Variants in MYOM3 observed in about 807,000 individuals in gnomAD.
MYOM3 encodes the protein myomesin-3.
MYOM3 carries 155 observed loss-of-function variants against 191.7 expected under a neutral mutation model. The observed-to-expected ratio is 0.81, with a 90% CI of 0.71 to 0.92. MYOM3 has a LOEUF of 0.92. Among genes scored for constraint, MYOM3 ranks in the 40% least tolerant of loss-of-function variants. MYOM3 has a pLI of 0.00. For missense variants in MYOM3, 1,889 were observed against 1,890.6 expected (o/e 1.00, Z 0.02); for synonymous variants, 757 against 762.9 (o/e 0.99, Z 0.13).
At position 24,061,348 on chromosome 1, in the gene MYOM3, C is replaced by G. The variant is rs201550622; in HGVS notation, c.3935-39G>C. 5.1e-4 allele frequency: 817 copies of G among 1,604,796 alleles called. 2 individuals carry two copies. In the African/African-American group the frequency reaches 9.3e-3, roughly 18 times the overall value. On this transcript the variant is annotated intron_variant, in intron 33 of 36. Coordinates refer to ENST00000374434, the MANE Select transcript of MYOM3 (RefSeq NM_152372.4). ...AGAGGAGAATGGGGGCCATCAGGGCCTCTGCTGTCTGATGATGGGGACAGG... is the reference window on the plus strand; with the variant it reads ...AGAGGAGAATGGGGGCCATCAGGGCGTCTGCTGTCTGATGATGGGGACAGG...
chr1:24,104,167 A>G (rs547553987), intron 5 of MYOM3, among the ~76,000 whole-genome samples: 2 of 152,316 alleles, frequency 1.3e-5, no homozygotes, highest in African/African-American at 4.8e-5. Flanking sequence ...GCTCAAATGC[A>G]AGTGAAGTTT....
At chr1:24,070,959 T>G (rs978096229) in intron 25 of MYOM3, among the ~76,000 whole-genome samples, 158 bp downstream of exon 25, 1 of 151,246 alleles carries the variant, frequency 6.6e-6, no homozygotes, top group East Asian at 1.9e-4. Context: ...AAGAGCCAAA[T>G]GTTCCCATCC....
Position 24,082,700 on chromosome 1 carries a change from C to T in MYOM3, c.1985G>A (p.Gly662Glu), listed in dbSNP as rs768095705. ...CTCGTACTCCTTCCCCGTCCTCAGC[C>T]CGGGAACTGTAAACCTGGGAGAGAA... ...PIQGTRFTVP[G>E]LRTGKEYEFC... The change falls in exon 17 of 37, where the codon GGG (glycine) becomes GAG (glutamate). Residue 662 changes from glycine to glutamate, a missense_variant. By Grantham distance (98) the Gly-to-Glu change is moderately conservative. Coordinates refer to ENST00000374434, the MANE Select transcript of MYOM3 (RefSeq NM_152372.4). The T allele has an allele frequency of 1.9e-6, 3 of 1,608,510 alleles. No individual in the cohort carries two copies. The highest frequency in any genetic ancestry group is 1.7e-6 in the Non-Finnish European group (2 of 1,178,050).
At position 24,065,846 on chromosome 1, in the gene MYOM3, G is replaced by A. The variant is rs1333008100; in HGVS notation, c.3534+45C>T. The A allele has an allele frequency of 2.8e-6, 4 of 1,413,968 alleles. No individual in the cohort carries two copies. The South Asian group carries it at 4.6e-5, about 16-fold the overall frequency. 87.6% of individuals were successfully genotyped at this position (1,413,968 alleles called of 1,614,324 possible). A position where few individuals can be genotyped will look rare whatever the true frequency, so the allele number is the denominator to read the frequency against. On this transcript the variant is annotated intron_variant, in intron 29 of 36. Coordinates refer to ENST00000374434, the MANE Select transcript of MYOM3 (RefSeq NM_152372.4). The stretch of plus-strand genomic sequence containing the variant: ...CAGAGCTCTTGGCCCTCCCTGGCTT[G>A]CAGCCAAAGGAGAAAGTGAGCCCTG...
chr1:24,065,483 A>T (rs1187198762), intron 29 of MYOM3, among the ~76,000 whole-genome samples: 1 of 152,034 alleles, frequency 6.6e-6, no homozygotes, highest in Non-Finnish European at 1.5e-5. Context: ...CGACTCCTAG[A>T]CTGTTGGGGC....
Position 24,076,275 on chromosome 1 carries a change from TG to T in MYOM3, c.2587-3del. 6.2e-7 allele frequency: 1 copy of T among 1,612,776 alleles called. No homozygotes were observed. The highest frequency in any genetic ancestry group is 2.2e-5 in the East Asian group (1 of 44,848). Reference sequence around the variant, plus strand: ...CTTTCCTGGCTGCAAGTCGGAAACCTGGGGGCAGAGGGCAAGAGCCAGCACT... The same window carrying T: ...CTTTCCTGGCTGCAAGTCGGAAACCTGGGGCAGAGGGCAAGAGCCAGCACT... On this transcript the variant is annotated splice_polypyrimidine_tract_variant and splice_region_variant and intron_variant, in intron 20 of 36. Transcript: ENST00000374434.
chr1:24,063,432 G>T lies in MYOM3; in HGVS notation c.3661+60C>A. The T allele has an allele frequency of 6.3e-7, 1 of 1,597,558 alleles. No homozygotes were observed. Among genetic ancestry groups the T allele is most frequent in the Non-Finnish European group, 8.6e-7 (1 of 1,165,094 alleles). ...CAATAGCCAAGGCCAGTGTTAGGCTGCTTGGAGGCTGTTGGGCATCAGGGC... is the reference window on the plus strand; with the variant it reads ...CAATAGCCAAGGCCAGTGTTAGGCTTCTTGGAGGCTGTTGGGCATCAGGGC... On this transcript the variant is annotated intron_variant, in intron 31 of 36. Coordinates refer to ENST00000374434, the MANE Select transcript of MYOM3 (RefSeq NM_152372.4). The surrounding 1 kb of genome is among the most constrained non-coding windows in gnomAD (Gnocchi z 4.5).
chr1:24,086,851 T>C (rs758968367), intron 14 of MYOM3, 24 bp from the exon 15 acceptor site: 2 of 1,610,768 alleles, frequency 1.2e-6, no homozygotes, highest in Admixed American at 1.7e-5. Flanking sequence ...GGGACTCACA[T>C]TGGCTAACTG....
intron 15 of MYOM3, among the ~76,000 whole-genome samples, chr1:24,085,093 G>T (rs1643719240): frequency 6.7e-6 from 1 of 149,486 alleles, no homozygotes; most frequent in African/African-American, 2.5e-5. Flanking sequence ...TGGATGGATG[G>T]ATGGTTGGTT....
intron 7 of MYOM3, among the ~76,000 whole-genome samples, chr1:24,096,730 G>A (rs1570882516): frequency 6.6e-6 from 1 of 151,910 alleles, no homozygotes; most frequent in Non-Finnish European, 1.5e-5. Flanking sequence ...GTGTATGAGT[G>A]CACGTGTGTG....
At position 24,067,089 on chromosome 1, in the gene MYOM3, C is replaced by A; in HGVS notation, c.3356-1G>T. Reference sequence around the variant, plus strand: ...TGCAACGGCCGCTCAAAATAGGGACCTGTGCGTGCAAAACAAATGTGCCCA... The same window carrying A: ...TGCAACGGCCGCTCAAAATAGGGACATGTGCGTGCAAAACAAATGTGCCCA... On this transcript the variant is annotated splice_acceptor_variant, in intron 27 of 36. Transcript: ENST00000374434. LOFTEE classifies it high-confidence loss of function. 6.4e-7 allele frequency: 1 copy of A among 1,571,230 alleles called. No homozygotes were observed. Among genetic ancestry groups the A allele is most frequent in the Non-Finnish European group, 8.7e-7 (1 of 1,156,040 alleles).
intron 20 of MYOM3, among the ~76,000 whole-genome samples, chr1:24,079,415 T>C (rs1570867192): frequency 6.6e-6 from 1 of 151,814 alleles, no homozygotes; most frequent in African/African-American, 2.4e-5. Context: ...CCCAGGCTGG[T>C]CTGGAACTCC....
At chr1:24,108,869 C>T (rs980565079) in intron 1 of MYOM3, among the ~76,000 whole-genome samples, 6 of 152,226 alleles carry the variant, frequency 3.9e-5, no homozygotes, top group Non-Finnish European at 7.3e-5. Context: ...TCCTCCACCC[C>T]ATGTGCTCCC....
rs776157542 is a variant in MYOM3 at position 24,108,482 on chromosome 1, C to G, written c.155G>C (p.Arg52Pro). 3.2e-6 allele frequency: 5 copies of G among 1,557,920 alleles called. No individual in the cohort carries two copies. In the African/African-American group the frequency reaches 6.8e-5, roughly 21 times the overall value. Residue 52 changes from arginine (R) to proline (P), a missense_variant, in exon 2 of 37, where the codon CGC (arginine) becomes CCC (proline). By Grantham distance (103) the Arg-to-Pro change is moderately radical. Transcript: ENST00000374434. Reference protein sequence around the residue: ...MGSSVRRRTFRSSEEEHEFSA... With the variant: ...MGSSVRRRTFPSSEEEHEFSA... ...GGGACCCTGTGGCTCCCACCTGCTGCGGAAGGTCCGCCTCCGCACAGAGGA... is the reference window on the plus strand; with the variant it reads ...GGGACCCTGTGGCTCCCACCTGCTGGGGAAGGTCCGCCTCCGCACAGAGGA...
Position 24,061,090 on chromosome 1 carries a change from A to G in MYOM3, c.3972-8T>C, listed in dbSNP as rs1299174839. Reference sequence around the variant, plus strand: ...TCGATGATGGCCAAGGTTCTGAAAAACAGAAATGGGAACAAGGTGTGACAT... The same window carrying G: ...TCGATGATGGCCAAGGTTCTGAAAAGCAGAAATGGGAACAAGGTGTGACAT... On this transcript the variant is annotated splice_polypyrimidine_tract_variant and splice_region_variant and intron_variant, in intron 34 of 36. Transcript: ENST00000374434. The G allele has an allele frequency of 6.2e-7, 1 of 1,614,162 alleles. No individual in the cohort carries two copies.
Position 24,106,002 on chromosome 1 carries a change from G to C in MYOM3, c.478C>G (p.Leu160Val). 6.2e-7 allele frequency: 1 copy of C among 1,614,046 alleles called. No homozygotes were observed. The highest frequency in any genetic ancestry group is 8.5e-7 in the Non-Finnish European group (1 of 1,180,000). Residue 160 changes from leucine (L) to valine (V), a missense_variant, in exon 5 of 37, where the codon CTT (leucine) becomes GTT (valine). By Grantham distance (32) the Leu-to-Val change is conservative. Coordinates refer to ENST00000374434, the MANE Select transcript of MYOM3 (RefSeq NM_152372.4). ...TGCTCCCAGACGGCGTGGGAGCGAA[G>C]AGGGATCCAGAACCAGGGCCCGCGG... is the stretch of plus-strand genomic sequence containing the variant. ...YGRGPWFWIP[L>V]RSHAVWEHTT...
chr1:24,058,787 A>G, intron 36 of MYOM3, 137 bp downstream of exon 36: 2 of 676,738 alleles, frequency 3.0e-6, no homozygotes, highest in Non-Finnish European at 5.3e-6. Flanking sequence ...TTTGTACCAC[A>G]TGTCATCAAT....
chr1:24,081,286 G>A, intron 19 of MYOM3, 44 bp downstream of exon 19: 1 of 1,609,098 alleles, frequency 6.2e-7, no homozygotes, highest in Non-Finnish European at 8.5e-7. Context: ...GTTTGGGAAG[G>A]AGGGAAGGGC....
chr1:24,102,338 C>T (rs1185572593), intron 5 of MYOM3, among the ~76,000 whole-genome samples: 3 of 152,142 alleles, frequency 2.0e-5, no homozygotes, highest in Non-Finnish European at 4.4e-5. Flanking sequence ...GGTTAGGCCC[C>T]CTACCACACA....
Sources: allele counts gnomAD v4.1 joint callset (sites outside exome capture counted in the v4.1 genomes callset), GRCh38; gene constraint gnomAD v4.1.1; non-coding constraint Gnocchi (gnomAD v3.1); transcripts MANE v1.5; gene names NCBI Gene and HGNC (gene_info 2026-07-23, HGNC 2026-07-21).